RNF130: variants seen among roughly 807,000 people sequenced by gnomAD.
The protein encoded by RNF130 is ring finger protein 130.
Under a neutral mutation model 44.6 loss-of-function variants are expected in RNF130, and 21 were observed. The ratio of observed to expected loss-of-function variants is 0.47; its 90% CI spans 0.33 to 0.68. The LOEUF (loss-of-function observed/expected upper bound fraction) is 0.68, where lower values mean the gene tolerates loss of function less well. RNF130 is among the 30% of genes least tolerant of loss of function. The pLI, the probability that RNF130 is intolerant of heterozygous loss-of-function variation, is 0.02. For missense variants in RNF130, 479 were observed against 560.6 expected, an observed-to-expected ratio of 0.85 and a Z score of 1.47; for synonymous variants, 214 against 210.4, an observed-to-expected ratio of 1.02 and a Z score of -0.15.
At chr5:179,958,027 G>A (rs918152036) in intron 8 of RNF130, among the ~76,000 whole-genome samples, 1 of 151,748 alleles carries the variant, frequency 6.6e-6, no homozygotes. Flanking sequence ...ACAGGCGCCC[G>A]CCACTACGCC....
chr5:179,923,546 G>A (rs926990984), intron 7 of RNF130, among the ~76,000 whole-genome samples: 5 of 152,342 alleles, frequency 3.3e-5, no homozygotes, highest in African/African-American at 1.2e-4. Flanking sequence ...CCAAGGAGCT[G>A]AGTCTCAGCC....
chr5:179,920,393 G>A (rs1761611538), exon 8 of RNF130: 2 of 702,444 alleles, frequency 2.8e-6, no homozygotes, highest in South Asian at 3.0e-5. Context: ...CAGACTCCGA[G>A]GGGACAAGGA....
intron 3 of RNF130, among the ~76,000 whole-genome samples, chr5:179,987,585 CTT>C (rs1762984406): frequency 6.6e-6 from 1 of 152,234 alleles, no homozygotes; most frequent in Non-Finnish European, 1.5e-5. Context: ...AAAGGAAAGT[CTT>C]TCAGCTTTTC....
intron 7 of RNF130, among the ~76,000 whole-genome samples, chr5:179,931,827 G>T (rs7727946): frequency 6.6e-6 from 1 of 151,942 alleles, no homozygotes; most frequent in Non-Finnish European, 1.5e-5. Context: ...CTGTGATTCA[G>T]GCCCCCCAGC....
intron 3 of RNF130, among the ~76,000 whole-genome samples, chr5:179,987,827 T>C (rs1463021381): frequency 6.6e-6 from 1 of 152,246 alleles, no homozygotes; most frequent in African/African-American, 2.4e-5. Flanking sequence ...CCACGTTATA[T>C]TGCTGTATTA....
At chr5:179,936,709 C>G (rs971120538) in intron 7 of RNF130, among the ~76,000 whole-genome samples, 2 of 152,160 alleles carry the variant, frequency 1.3e-5, no homozygotes, top group East Asian at 3.8e-4. Flanking sequence ...TCAAACTTCC[C>G]AATTCTAAGA....
chr5:179,997,516 G>C (rs1763232852), intron 3 of RNF130, among the ~76,000 whole-genome samples: 1 of 152,110 alleles, frequency 6.6e-6, no homozygotes, highest in African/African-American at 2.4e-5. Context: ...TTTTAGTAGA[G>C]ACGGGGTTTC....
chr5:180,043,090 G>A (rs1373102456), intron 1 of RNF130, among the ~76,000 whole-genome samples: 1 of 152,182 alleles, frequency 6.6e-6, no homozygotes, highest in Non-Finnish European at 1.5e-5. Flanking sequence ...GGCCAAGGTG[G>A]GAAGACCACT....
At chr5:180,033,259 G>A (rs1764173404) in intron 2 of RNF130, among the ~76,000 whole-genome samples, 1 of 152,170 alleles carries the variant, frequency 6.6e-6, no homozygotes, top group Admixed American at 6.5e-5. Flanking sequence ...TGGGATTACA[G>A]GTGTGTGCTA....
chr5:179,978,295 A>G lies in RNF130; in HGVS notation c.766-10T>C. 6.2e-7 allele frequency: 1 copy of G among 1,600,694 alleles called. No homozygotes were observed. The highest frequency in any genetic ancestry group is 8.6e-7 in the Non-Finnish European group (1 of 1,167,726). On this transcript the variant is annotated splice_polypyrimidine_tract_variant and intron_variant, in intron 4 of 8. Coordinates refer to ENST00000521389, the MANE Select transcript of RNF130 (RefSeq NM_018434.6). ...AGTCTGGGTCAGTTTCCTAAAATGA[A>G]AAGTACAGAAACAAAAAGTCACACG...
chr5:180,018,123 C>T (rs1763781094), intron 2 of RNF130, among the ~76,000 whole-genome samples: 3 of 151,884 alleles, frequency 2.0e-5, no homozygotes, highest in African/African-American at 7.3e-5. Flanking sequence ...GGCGAAACCC[C>T]ATCTCTACTA....
At chr5:180,049,151 C>T (rs1764634697) in intron 1 of RNF130, among the ~76,000 whole-genome samples, 1 of 152,154 alleles carries the variant, frequency 6.6e-6, no homozygotes, top group South Asian at 2.1e-4. Context: ...TCAAACCCAC[C>T]AAAAAGGACA....
At chr5:180,065,576 T>C (rs776500385) in intron 1 of RNF130, among the ~76,000 whole-genome samples, 1 of 152,166 alleles carries the variant, frequency 6.6e-6, no homozygotes, top group Non-Finnish European at 1.5e-5. Flanking sequence ...CTGGCTAACA[T>C]GGTGAAACCC....
At chr5:179,952,797 T>A (rs1028285496), downstream of RNF130, among the ~76,000 whole-genome samples, 1 of 152,178 alleles carries the variant, frequency 6.6e-6, no homozygotes, top group African/African-American at 2.4e-5. Flanking sequence ...AACTATTTCA[T>A]GATAAAAACG....
chr5:180,013,086 T>C lies in RNF130; in HGVS notation c.668A>G (p.Tyr223Cys), dbSNP rs1411977713. 1.2e-6 allele frequency: 2 copies of C among 1,613,804 alleles called. No individual in the cohort carries two copies. The highest frequency in any genetic ancestry group is 2.7e-5 in the African/African-American group (2 of 74,928). Residue 223 changes from tyrosine to cysteine, a missense_variant, in exon 3 of 9, where the codon TAC (tyrosine) becomes TGC (cysteine). Coordinates refer to ENST00000521389, the MANE Select transcript of RNF130 (RefSeq NM_018434.6). ...CTGGTTCCTGTCGCGTGCATTTGTG[T>C]ACCTGATCTTCTGAATGAAGTAGAA... ...LIFYFIQKIRYTNARDRNQRR... is the reference protein window; with the variant it reads ...LIFYFIQKIRCTNARDRNQRR...
intron 2 of RNF130, among the ~76,000 whole-genome samples, chr5:180,020,335 A>C (rs1349866605): frequency 1.3e-5 from 2 of 152,266 alleles, no homozygotes; most frequent in African/African-American, 4.8e-5. Flanking sequence ...GAGAGGAAGA[A>C]CGCGGTCTGC....
At chr5:180,045,690 T>G (rs1304885781) in intron 1 of RNF130, among the ~76,000 whole-genome samples, 4 of 152,220 alleles carry the variant, frequency 2.6e-5, no homozygotes, top group Non-Finnish European at 4.4e-5. Flanking sequence ...GAGTGCTGAT[T>G]GGTGCATTTA....
intron 2 of RNF130, among the ~76,000 whole-genome samples, chr5:180,034,760 G>A (rs569942146): frequency 1.1e-4 from 17 of 152,216 alleles, no homozygotes; most frequent in Non-Finnish European, 1.8e-4. Context: ...CTCACTGTGA[G>A]TGTGACTATG....
chr5:179,962,569 TGGTAAAA>T (rs1762357535), intron 8 of RNF130, among the ~76,000 whole-genome samples: 1 of 152,158 alleles, frequency 6.6e-6, no homozygotes, highest in South Asian at 2.1e-4. Flanking sequence ...TCATGAATAT[TGGTAAAA>T]GAAAGGACTG....
Sources: allele counts gnomAD v4.1 joint callset (sites outside exome capture counted in the v4.1 genomes callset), GRCh38; gene constraint gnomAD v4.1.1; transcripts MANE v1.5; gene names NCBI Gene and HGNC (gene_info 2026-07-23, HGNC 2026-07-21).